Variants in TSPAN18 observed in about 807,000 individuals in gnomAD.
TSPAN18 encodes the protein tetraspanin-18.
Under a neutral mutation model 27.3 loss-of-function variants are expected in TSPAN18, and 14 were observed. That is an observed-to-expected ratio of 0.51 (90% CI 0.34 to 0.80). The LOEUF is 0.80. Among genes scored for constraint, TSPAN18 ranks in the 30% least tolerant of loss-of-function variants. TSPAN18 has a pLI of 0.01. For missense variants in TSPAN18, 268 were observed against 323.9 expected, an observed-to-expected ratio of 0.83 and a Z score of 1.32; for synonymous variants, 143 against 136.5, an observed-to-expected ratio of 1.05 and a Z score of -0.33.
chr11:44,817,816 C>T (rs1392804716), intron 2 of TSPAN18, among the ~76,000 whole-genome samples: 1 of 152,250 alleles, frequency 6.6e-6, no homozygotes, highest in Non-Finnish European at 1.5e-5. Flanking sequence ...TCCAACCCAT[C>T]TACTTCACAG....
At position 44,860,380 on chromosome 11, in the gene TSPAN18, C is replaced by T. The variant is rs1299773555; in HGVS notation, c.-100C>T. ...CTTCAGGTGAGCTGAGCTTCTAACACTACCATCAAAGCAACTGGAACCCCT... is the reference window on the plus strand; with the variant it reads ...CTTCAGGTGAGCTGAGCTTCTAACATTACCATCAAAGCAACTGGAACCCCT... On this transcript the variant is annotated 5_prime_UTR_variant, in exon 3 of 10. Coordinates refer to ENST00000520358, the MANE Select transcript of TSPAN18 (RefSeq NM_130783.5). The T allele has an allele frequency of 1.3e-5, 2 of 152,230 alleles. No individual in the cohort carries two copies. The highest frequency in any genetic ancestry group is 2.9e-5 in the Non-Finnish European group (2 of 68,040). 9.4% of individuals were successfully genotyped at this position (152,230 alleles called of 1,614,324 possible).
chr11:44,828,196 A>G (rs1014165239), intron 2 of TSPAN18, among the ~76,000 whole-genome samples: 1 of 152,144 alleles, frequency 6.6e-6, no homozygotes, highest in African/African-American at 2.4e-5. Flanking sequence ...GTCTTTACCT[A>G]TGTGAAAGGC....
chr11:44,755,487 A>G (rs1855310395), intron 1 of TSPAN18, among the ~76,000 whole-genome samples: 1 of 151,968 alleles, frequency 6.6e-6, no homozygotes, highest in Non-Finnish European at 1.5e-5. Context: ...AGACACTGCA[A>G]GGTTCTCAGC....
chr11:44,926,495 C>G, intron 8 of TSPAN18, 179 bp from the exon 9 acceptor site: 1 of 632,570 alleles, frequency 1.6e-6, no homozygotes, highest in Non-Finnish European at 2.8e-6. Context: ...GCAATGCTGC[C>G]AAGTCGCTGT....
At chr11:44,751,666 C>A (rs535589207) in intron 1 of TSPAN18, among the ~76,000 whole-genome samples, 89 of 152,084 alleles carry the variant, frequency 5.9e-4, no homozygotes, top group Non-Finnish European at 1.0e-3. Flanking sequence ...ACCTGTAATC[C>A]CAGCACTTTG....
intron 2 of TSPAN18, among the ~76,000 whole-genome samples, chr11:44,792,347 G>A (rs1426389209): frequency 1.3e-5 from 2 of 152,288 alleles, no homozygotes; most frequent in East Asian, 1.9e-4. Context: ...CCGCAGGCAC[G>A]CACGGCCTGG....
chr11:44,877,063 C>A (rs531103672), intron 3 of TSPAN18, among the ~76,000 whole-genome samples: 1 of 152,350 alleles, frequency 6.6e-6, no homozygotes, highest in East Asian at 1.9e-4. Flanking sequence ...GAGGGAGGAT[C>A]TTTGTGTGCA....
chr11:44,820,402 C>T (rs1171158391), intron 2 of TSPAN18, among the ~76,000 whole-genome samples: 1 of 152,182 alleles, frequency 6.6e-6, no homozygotes, highest in Non-Finnish European at 1.5e-5. Flanking sequence ...TCATCTGTGG[C>T]AAGTGGACAG....
chr11:44,905,460 G>A (rs950526484), intron 3 of TSPAN18, among the ~76,000 whole-genome samples: 5 of 152,140 alleles, frequency 3.3e-5, no homozygotes, highest in Admixed American at 6.5e-5. Flanking sequence ...TCTGAGTCTC[G>A]GTTTCCCCAC....
chr11:44,788,226 G>A (rs1250842216), intron 2 of TSPAN18, among the ~76,000 whole-genome samples: 2 of 152,146 alleles, frequency 1.3e-5, no homozygotes, highest in East Asian at 1.9e-4. Flanking sequence ...ATTGGTCACC[G>A]CAGAACCTCA....
Position 44,909,760 on chromosome 11 carries a change from G to C in TSPAN18, c.119G>C (p.Gly40Ala), listed in dbSNP as rs1326995469. 6.2e-7 allele frequency: 1 copy of C among 1,613,660 alleles called. No homozygotes were observed. Among genetic ancestry groups the C allele is most frequent in the Admixed American group, 1.7e-5 (1 of 60,022 alleles). ...IGIWVMVDPT[G>A]FREIVAANPL... ...ATCTGGGTCATGGTGGACCCCACCGGCTTCCGGGAGATCGTGGCTGCCAAT... is the reference window on the plus strand; with the variant it reads ...ATCTGGGTCATGGTGGACCCCACCGCCTTCCGGGAGATCGTGGCTGCCAAT... The change falls in exon 5 of 10, where the codon GGC (glycine) becomes GCC (alanine). Residue 40 changes from glycine to alanine, a missense_variant. Transcript: ENST00000520358.
chr11:44,796,321 G>A (rs73450667), intron 2 of TSPAN18, among the ~76,000 whole-genome samples: 2,032 of 152,272 alleles, frequency 0.013, 44 homozygotes, highest in African/African-American at 0.047. Context: ...TTGGTTTTCA[G>A]TTTTTACGAT....
At chr11:44,876,298 T>C (rs1025228530) in intron 3 of TSPAN18, among the ~76,000 whole-genome samples, 8 of 152,196 alleles carry the variant, frequency 5.3e-5, no homozygotes, top group Admixed American at 5.2e-4. Flanking sequence ...GCGGGTGTTA[T>C]GTGTCAAATA....
intron 1 of TSPAN18, among the ~76,000 whole-genome samples, chr11:44,732,733 G>C (rs1046361719): frequency 6.6e-6 from 1 of 152,140 alleles, no homozygotes; most frequent in African/African-American, 2.4e-5. Flanking sequence ...ATGGAAAGAG[G>C]ATGCATATTG....
At chr11:44,900,762 C>T (rs775753340) in intron 3 of TSPAN18, among the ~76,000 whole-genome samples, 1 of 128,776 alleles carries the variant, frequency 7.8e-6, no homozygotes, top group Admixed American at 9.7e-5. Flanking sequence ...GGCATGATCT[C>T]GGCTCACTGC....
Position 44,745,744 on chromosome 11 carries a change from A to G in TSPAN18, c.-240+18457A>G, listed in dbSNP as rs868313526. ...AAAATTCTATTAAAAAACAAAAAAC[A>G]TGGCTGGGCGCGGTGGCTCACGCCT... is the stretch of plus-strand genomic sequence containing the variant. On this transcript the variant is annotated intron_variant, in intron 1 of 9. Transcript: ENST00000520358. 4.6e-5 allele frequency among the ~76,000 whole-genome samples: 7 copies of G among 152,240 alleles called. 1 individual carries two copies. In the Middle Eastern group the frequency reaches 0.014, roughly 296 times the overall value.
chr11:44,758,657 G>A (rs1320393088), intron 1 of TSPAN18, among the ~76,000 whole-genome samples: 4 of 152,124 alleles, frequency 2.6e-5, no homozygotes, highest in Non-Finnish European at 5.9e-5. Context: ...GGGTACTGTG[G>A]GAATCATTTG....
In TSPAN18 at chr11:44,832,720, A is replaced by T. The variant is rs115273654; in HGVS notation, c.-152-27608A>T. On this transcript the variant is annotated intron_variant, in intron 2 of 9. Transcript: ENST00000520358. ...CTTCTTCCTTGTTCCTCCTTCTTCGATCCTTGCTGCACCTGCTCCTGCCTA... is the reference window on the plus strand; with the variant it reads ...CTTCTTCCTTGTTCCTCCTTCTTCGTTCCTTGCTGCACCTGCTCCTGCCTA... 5.1e-3 allele frequency among the ~76,000 whole-genome samples: 782 copies of T among 152,014 alleles called. 4 individuals are homozygous for T. The highest frequency in any genetic ancestry group is 0.017 in the African/African-American group (723 of 41,464).
intron 2 of TSPAN18, among the ~76,000 whole-genome samples, chr11:44,773,331 G>C (rs780596541): frequency 6.6e-6 from 1 of 151,980 alleles, no homozygotes; most frequent in Non-Finnish European, 1.5e-5. Context: ...CAGGAGAATT[G>C]CTTGAACCTG....
Sources: gnomAD v4.1 joint callset for allele counts (sites outside exome capture counted in the v4.1 genomes callset) on GRCh38, gnomAD v4.1.1 for gene constraint, MANE v1.5 for transcripts, NCBI Gene and HGNC (gene_info 2026-07-23, HGNC 2026-07-21) for gene names.